Variants in RABGAP1L observed in about 807,000 individuals in gnomAD.
RABGAP1L encodes rab GTPase-activating protein 1-like.
RABGAP1L carries 63 observed loss-of-function variants against 137.7 expected under a neutral mutation model. That is an observed-to-expected ratio of 0.46 (90% CI 0.37 to 0.56). RABGAP1L has a LOEUF of 0.56. RABGAP1L is among the 20% of genes least tolerant of loss of function. RABGAP1L has a pLI of 0.00. For missense variants in RABGAP1L, 1,095 were observed against 1,244.0 expected (o/e 0.88, Z 1.80); for synonymous variants, 431 against 433.7 (o/e 0.99, Z 0.08).
At position 174,188,075 on chromosome 1, in the gene RABGAP1L, T is replaced by C. The variant is rs114399090; in HGVS notation, c.-34+28418T>C. On this transcript the variant is annotated intron_variant, in intron 1 of 25. Transcript: ENST00000681986. ...TTGCATGACCAGAAATTCTCTGATATAGCAGGGTATACTTTATATAAAGAC... is the reference window on the plus strand; with the variant it reads ...TTGCATGACCAGAAATTCTCTGATACAGCAGGGTATACTTTATATAAAGAC... 3.8e-3 allele frequency among the ~76,000 whole-genome samples: 586 copies of C among 152,312 alleles called. 6 individuals are homozygous for C. Among genetic ancestry groups the C allele is most frequent in the African/African-American group, 0.014 (568 of 41,568 alleles).
At chr1:174,689,962 T>C (rs1291050088) in intron 15 of RABGAP1L, among the ~76,000 whole-genome samples, 1 of 152,204 alleles carries the variant, frequency 6.6e-6, no homozygotes, top group Non-Finnish European at 1.5e-5. Flanking sequence ...GTCCTATACT[T>C]CCAAATCACT....
intron 13 of RABGAP1L, among the ~76,000 whole-genome samples, chr1:174,620,307 T>C (rs574888698): frequency 5.0e-4 from 76 of 152,206 alleles, no homozygotes; most frequent in East Asian, 3.7e-3. Flanking sequence ...GCAGAACTCT[T>C]CACCCCAAAT....
intron 23 of RABGAP1L, among the ~76,000 whole-genome samples, chr1:174,980,783 G>C (rs1402982511): frequency 6.6e-6 from 1 of 152,192 alleles, no homozygotes; most frequent in African/African-American, 2.4e-5. Context: ...ATCTGTCCCA[G>C]TAAGAAATGT....
At chr1:174,799,803 G>A in intron 18 of RABGAP1L, 1 of 994,204 alleles carries the variant, frequency 1.0e-6, no homozygotes, top group Non-Finnish European at 1.2e-6. Flanking sequence ...CAACAGCGCT[G>A]CTTGTCACGA....
chr1:174,461,561 C>G (rs148800325), intron 13 of RABGAP1L, among the ~76,000 whole-genome samples: 1 of 152,228 alleles, frequency 6.6e-6, no homozygotes, highest in African/African-American at 2.4e-5. Context: ...ACAGAGTGCT[C>G]TCTGTATAGT....
At chr1:174,836,387 T>C (rs997241129) in intron 19 of RABGAP1L, among the ~76,000 whole-genome samples, 1 of 152,222 alleles carries the variant, frequency 6.6e-6, no homozygotes, top group Non-Finnish European at 1.5e-5. Context: ...CAAAGATGTA[T>C]TCTTCTGTAG....
chr1:174,339,530 A>T (rs1200674064), intron 11 of RABGAP1L, among the ~76,000 whole-genome samples: 1 of 152,024 alleles, frequency 6.6e-6, no homozygotes, highest in East Asian at 1.9e-4. Context: ...TCATAAGAAT[A>T]TTTTTTTATA....
At chr1:174,283,533 G>A (rs917853542) in intron 10 of RABGAP1L, among the ~76,000 whole-genome samples, 5 of 151,630 alleles carry the variant, frequency 3.3e-5, no homozygotes, top group African/African-American at 1.2e-4. Context: ...TTGAGACGGA[G>A]TCTCAACTTG....
chr1:174,845,932 A>T (rs1385497681), intron 19 of RABGAP1L, among the ~76,000 whole-genome samples: 2 of 136,868 alleles, frequency 1.5e-5, no homozygotes, highest in African/African-American at 5.5e-5. Context: ...CAGAGATTCA[A>T]CTTCTTCCTG....
intron 13 of RABGAP1L, among the ~76,000 whole-genome samples, chr1:174,522,947 C>G (rs1663554434): frequency 6.6e-6 from 1 of 152,198 alleles, no homozygotes. Flanking sequence ...CTGAGGATTA[C>G]TTTTCAACAT....
intron 13 of RABGAP1L, among the ~76,000 whole-genome samples, chr1:174,428,173 T>C (rs1320176587): frequency 6.6e-6 from 1 of 152,212 alleles, no homozygotes; most frequent in East Asian, 1.9e-4. Flanking sequence ...ATGAGATCTT[T>C]GGGACAGAAA....
intron 18 of RABGAP1L, among the ~76,000 whole-genome samples, chr1:174,783,283 T>A (rs1014039082): frequency 2.6e-5 from 4 of 152,110 alleles, no homozygotes; most frequent in African/African-American, 9.7e-5. Context: ...TTCTATTCCG[T>A]GACTCACGGC....
intron 11 of RABGAP1L, 31 bp from the exon 12 acceptor site, chr1:174,370,948 A>G (rs768617653): frequency 6.7e-6 from 8 of 1,191,894 alleles, no homozygotes; most frequent in Middle Eastern, 4.0e-4. Flanking sequence ...ATATAAAATA[A>G]TGTTTGTTGG....
chr1:174,212,436 A>G (rs1668968306), intron 1 of RABGAP1L, among the ~76,000 whole-genome samples: 1 of 152,092 alleles, frequency 6.6e-6, no homozygotes, highest in Non-Finnish European at 1.5e-5. Flanking sequence ...CATGCTCCTG[A>G]ATGACCAGTG....
intron 13 of RABGAP1L, among the ~76,000 whole-genome samples, chr1:174,525,607 C>T (rs1663807604): frequency 6.6e-6 from 1 of 152,108 alleles, no homozygotes; most frequent in African/African-American, 2.4e-5. Context: ...TTGACTTCCT[C>T]ACTTCCAATT....
At chr1:174,348,460 T>A (rs147476100) in intron 11 of RABGAP1L, among the ~76,000 whole-genome samples, 3,728 of 149,674 alleles carry the variant, frequency 0.025, 149 homozygotes, top group African/African-American at 0.084. Context: ...TTATTTATTT[T>A]TTTTAATTTA....
intron 11 of RABGAP1L, chr1:174,367,643 T>C: frequency 3.8e-6 from 1 of 262,496 alleles, no homozygotes; most frequent in Non-Finnish European, 7.4e-6. Flanking sequence ...TGCCTTTCTT[T>C]TTAACACTGG....
At chr1:174,440,484 GAA>G (rs1653999383) in intron 13 of RABGAP1L, among the ~76,000 whole-genome samples, 1 of 152,176 alleles carries the variant, frequency 6.6e-6, no homozygotes, top group Non-Finnish European at 1.5e-5. Context: ...AGTAGTTGAG[GAA>G]ATAGGTAAAT....
intron 19 of RABGAP1L, among the ~76,000 whole-genome samples, chr1:174,931,990 G>GTTTTT (rs532860564): frequency 8.6e-4 from 60 of 69,644 alleles, no homozygotes; most frequent in Non-Finnish European, 1.2e-3. Context: ...TGCTTTTTTG[G>GTTTTT]TTTTTTTTTT....
Sources: gnomAD v4.1 joint callset for allele counts (sites outside exome capture counted in the v4.1 genomes callset) on GRCh38, gnomAD v4.1.1 for gene constraint, MANE v1.5 for transcripts, NCBI Gene and HGNC (gene_info 2026-07-23, HGNC 2026-07-21) for gene names.